Variants in TRAK1 observed in about 807,000 individuals in gnomAD.
TRAK1 encodes the protein trafficking kinesin protein 1.
In TRAK1, 33 loss-of-function variants were observed where a neutral mutation model predicts 92.1. That is an observed-to-expected ratio of 0.36 (90% confidence interval 0.27 to 0.48). The LOEUF is 0.48. TRAK1 is among the 20% of genes least tolerant of loss of function. The probability of loss-of-function intolerance (pLI) is 0.99; values close to 1 mark genes in which losing one functional copy is unlikely to be tolerated. For missense variants in TRAK1, 1,123 were observed against 1,257.9 expected, an observed-to-expected ratio of 0.89 and a Z score of 1.62; for synonymous variants, 521 against 517.3, an observed-to-expected ratio of 1.01 and a Z score of -0.10.
At position 42,024,153 on chromosome 3, in the gene TRAK1, A is replaced by G. The variant is rs78001882; in HGVS notation, c.-519+10036A>G. ...AGTTTGAGGCAAGGGTTTGGGGACC[A>G]TTCCTGTGTAGTGATATCCATGTGT... On this transcript the variant is annotated intron_variant, in intron 1 of 16. Transcript: ENST00000487159. Among the ~76,000 whole-genome samples, 132 of 152,266 alleles carry G rather than the reference A, an allele frequency of 8.7e-4. No homozygotes were observed. In the East Asian group the frequency reaches 0.023, roughly 26 times the overall value.
At chr3:42,058,346 T>A (rs115811230) in intron 1 of TRAK1, among the ~76,000 whole-genome samples, 2,558 of 152,034 alleles carry the variant, frequency 0.017, 25 homozygotes, top group Non-Finnish European at 0.027. Flanking sequence ...TTTAATTTAT[T>A]TATTTTTTGA....
intron 1 of TRAK1, among the ~76,000 whole-genome samples, 158 bp from the exon 2 acceptor site, chr3:42,125,262 A>G (rs1043480622): frequency 3.3e-5 from 5 of 152,220 alleles, no homozygotes; most frequent in African/African-American, 1.2e-4. Context: ...TGAGACTAGA[A>G]TTTAAATTGG....
At chr3:42,122,948 T>G (rs1459420284) in intron 1 of TRAK1, among the ~76,000 whole-genome samples, 1 of 152,192 alleles carries the variant, frequency 6.6e-6, no homozygotes, top group Non-Finnish European at 1.5e-5. Flanking sequence ...CCTCCAGGAC[T>G]AAAGCTCCAA....
chr3:42,225,087 TG>T lies in TRAK1; in HGVS notation c.*1351del, dbSNP rs2149559370. 1 of 152,386 alleles carries T rather than the reference TG, an allele frequency of 6.6e-6. No homozygotes were observed. Among genetic ancestry groups the T allele is most frequent in the East Asian group, 1.9e-4 (1 of 5,194 alleles). The allele number at this position is 152,386 out of a possible 1,614,324, so 9.4% of individuals were successfully genotyped here. A position where few individuals can be genotyped will look rare whatever the true frequency, so the allele number is the denominator to read the frequency against. ...GTTTTAAACTTTTATTTATTATTTA[TG>T]TCTGCCGTATTTTAAATAAACATTC... On this transcript the variant is annotated 3_prime_UTR_variant, in exon 16 of 16. Coordinates refer to ENST00000327628, the MANE Select transcript of TRAK1 (RefSeq NM_001042646.3).
intron 14 of TRAK1, chr3:42,218,013 T>A: frequency 2.0e-6 from 2 of 985,322 alleles, no homozygotes; most frequent in Non-Finnish European, 2.4e-6. Flanking sequence ...TTTTCTCCTG[T>A]GGCCGTGGTG....
upstream of TRAK1, among the ~76,000 whole-genome samples, chr3:42,083,215 GT>G (rs1475076802): frequency 6.6e-6 from 1 of 152,096 alleles, no homozygotes; most frequent in Non-Finnish European, 1.5e-5. Context: ...TCACTGTGAA[GT>G]TTCCTTAAAC....
chr3:42,198,755 G>A (rs1396747370), intron 10 of TRAK1, among the ~76,000 whole-genome samples: 2 of 152,114 alleles, frequency 1.3e-5, no homozygotes, highest in African/African-American at 4.8e-5. Context: ...TGTGTGGCTT[G>A]TATGGGCTCT....
intron 1 of TRAK1, among the ~76,000 whole-genome samples, chr3:42,043,175 T>A (rs1431487800): frequency 1.3e-5 from 2 of 152,038 alleles, no homozygotes; most frequent in Non-Finnish European, 2.9e-5. Flanking sequence ...TTAGCAACCA[T>A]TTCAAGGCAC....
chr3:42,193,693 A>G, intron 8 of TRAK1, 131 bp from the exon 9 acceptor site: 2 of 984,550 alleles, frequency 2.0e-6, no homozygotes. Flanking sequence ...TATAAAAAGC[A>G]GAATTTGAGT....
rs1231080024 is a variant in TRAK1, at chr3:42,202,866, G to A, written c.1744+114G>A. 24 of 1,493,330 alleles carry A rather than the reference G, an allele frequency of 1.6e-5. No homozygotes were observed. The East Asian group carries it at 1.7e-4, about 11-fold the overall frequency. The allele number at this position is 1,493,330 out of a possible 1,614,324, so 92.5% of individuals were successfully genotyped here. On this transcript the variant is annotated intron_variant, in intron 13 of 15. Coordinates refer to ENST00000327628, the MANE Select transcript of TRAK1 (RefSeq NM_001042646.3). This position sits in a 1 kb window ranked among gnomAD's most constrained non-coding sequence, Gnocchi z 6.1. ...TCACGCCTACTCCTTTTTCTTCCGC[G>A]ACAGCCACCCGCGCTGCTGGTTTGA...
chr3:42,136,352 T>C (rs977101853), intron 2 of TRAK1, among the ~76,000 whole-genome samples: 2 of 152,164 alleles, frequency 1.3e-5, no homozygotes, highest in African/African-American at 4.8e-5. Flanking sequence ...AATAATATTT[T>C]TGTGGCTCAC....
intron 1 of TRAK1, among the ~76,000 whole-genome samples, chr3:42,059,725 A>G (rs905269578): frequency 8.5e-5 from 13 of 152,236 alleles, no homozygotes; most frequent in African/African-American, 2.9e-4. Flanking sequence ...ATTCTTCTAC[A>G]GAGAGACAGC....
intron 1 of TRAK1, among the ~76,000 whole-genome samples, chr3:42,044,235 A>C (rs1702670901): frequency 6.6e-6 from 1 of 152,170 alleles, no homozygotes; most frequent in African/African-American, 2.4e-5. Flanking sequence ...ATCACAGCTC[A>C]CTGCAACCTC....
At chr3:42,130,208 C>T (rs1463295016) in intron 2 of TRAK1, among the ~76,000 whole-genome samples, 3 of 151,960 alleles carry the variant, frequency 2.0e-5, no homozygotes, top group Admixed American at 6.6e-5. Context: ...CAGCAGACAG[C>T]AGACATGAAA....
intron 1 of TRAK1, among the ~76,000 whole-genome samples, chr3:42,069,917 T>C (rs2148936067): frequency 6.6e-6 from 1 of 152,038 alleles, no homozygotes; most frequent in Admixed American, 6.6e-5. Flanking sequence ...AGTGGCGCAG[T>C]CTCCCCTCAC....
intron 1 of TRAK1, among the ~76,000 whole-genome samples, chr3:42,095,721 A>ATCGTCG (rs1271636157): frequency 1.6e-4 from 24 of 151,016 alleles, no homozygotes; most frequent in Admixed American, 4.0e-4. Flanking sequence ...TATCATCGTC[A>ATCGTCG]TCATCATCAT....
intron 1 of TRAK1, among the ~76,000 whole-genome samples, chr3:42,073,866 C>T (rs1461653309): frequency 1.3e-5 from 2 of 152,180 alleles, no homozygotes; most frequent in East Asian, 1.9e-4. Flanking sequence ...GCATGGTTGC[C>T]TGTCAGCTGC....
At chr3:42,183,985 TTC>T (rs1001693740) in intron 3 of TRAK1, among the ~76,000 whole-genome samples, 1 of 152,172 alleles carries the variant, frequency 6.6e-6, no homozygotes, top group Non-Finnish European at 1.5e-5. Context: ...TAACAGAAAA[TTC>T]TGTGCCCTTA....
chr3:42,121,836 A>G (rs1709922790), intron 1 of TRAK1, among the ~76,000 whole-genome samples: 5 of 151,552 alleles, frequency 3.3e-5, no homozygotes, highest in Admixed American at 2.6e-4. Context: ...TTTTTTTTTA[A>G]AAACAGAGTC....
Sources: allele counts gnomAD v4.1 joint callset (sites outside exome capture counted in the v4.1 genomes callset), GRCh38; gene constraint gnomAD v4.1.1; non-coding constraint Gnocchi (gnomAD v3.1); transcripts MANE v1.5; gene names NCBI Gene and HGNC (gene_info 2026-07-23, HGNC 2026-07-21).